The following SRSF11 variants were observed in gnomAD, a reference collection of about 807,000 sequenced individuals.
SRSF11 encodes the protein serine/arginine-rich splicing factor 11.
SRSF11 carries 9 observed loss-of-function variants against 56.0 expected under a neutral mutation model. The ratio of observed to expected loss-of-function variants is 0.16; its 90% confidence interval spans 0.10 to 0.28. The LOEUF is 0.28. Ranked by LOEUF, SRSF11 falls within the 10% of genes least tolerant of loss-of-function variation. The pLI, the probability that SRSF11 is intolerant of heterozygous loss-of-function variation, is 1.00. For missense variants in SRSF11, 421 were observed against 600.7 expected, an observed-to-expected ratio of 0.70 and a Z score of 3.13; for synonymous variants, 222 against 215.3, an observed-to-expected ratio of 1.03 and a Z score of -0.27.
intron 1 of SRSF11, 50 bp downstream of exon 1, chr1:70,221,889 G>A (rs1172028898): frequency 1.2e-6 from 2 of 1,605,816 alleles, no homozygotes; most frequent in Admixed American, 1.7e-5. Flanking sequence ...CTCAGCCTGG[G>A]CCTAACACAC....
chr1:70,234,612 G>C (rs537175733), intron 3 of SRSF11, 84 bp from the exon 4 acceptor site: 3 of 1,097,936 alleles, frequency 2.7e-6, no homozygotes, highest in Non-Finnish European at 3.9e-6. Context: ...GTTGTTATCT[G>C]ACCCTTTACA....
chr1:70,246,089 A>G (rs1421541788), intron 8 of SRSF11, among the ~76,000 whole-genome samples: 1 of 152,172 alleles, frequency 6.6e-6, no homozygotes, highest in Non-Finnish European at 1.5e-5. Flanking sequence ...TTAGAACAGT[A>G]AGAGAGGGAT....
upstream of SRSF11, among the ~76,000 whole-genome samples, chr1:70,216,652 C>CA (rs1424569437): frequency 1.3e-5 from 2 of 152,026 alleles, no homozygotes; most frequent in African/African-American, 4.8e-5. Flanking sequence ...AGGCTGGTCT[C>CA]AAACAACTGG....
chr1:70,220,495 C>A (rs1262184037), upstream of SRSF11, among the ~76,000 whole-genome samples: 1 of 152,146 alleles, frequency 6.6e-6, no homozygotes, highest in Non-Finnish European at 1.5e-5. Flanking sequence ...GCAGTATTTT[C>A]TTTAGAAATA....
chr1:70,212,022 A>G (rs1259206103), intron 1 of SRSF11, among the ~76,000 whole-genome samples: 1 of 152,130 alleles, frequency 6.6e-6, no homozygotes, highest in Non-Finnish European at 1.5e-5. Context: ...GCCTGAGCTA[A>G]TTGTGGCTTG....
At chr1:70,246,981 A>G in intron 9 of SRSF11, 74 bp downstream of exon 9, 1 of 1,295,782 alleles carries the variant, frequency 7.7e-7, no homozygotes, top group Non-Finnish European at 1.1e-6. Flanking sequence ...CGCTGTCAGT[A>G]TGAAGTCTTT....
intron 1 of SRSF11, 27 bp from the exon 2 acceptor site, chr1:70,228,395 C>G (rs1672273605): frequency 1.3e-6 from 2 of 1,562,472 alleles, no homozygotes; most frequent in Non-Finnish European, 1.8e-6. Context: ...TTCTGTTTCT[C>G]TTTTATGTTA....
intron 7 of SRSF11, among the ~76,000 whole-genome samples, chr1:70,242,150 A>AGC (rs1333329115): frequency 1.3e-5 from 2 of 148,418 alleles, no homozygotes; most frequent in Non-Finnish European, 3.0e-5. Flanking sequence ...GCTTGGTGAC[A>AGC]GCGAGACTCC....
intron 7 of SRSF11, among the ~76,000 whole-genome samples, chr1:70,240,624 C>T (rs1291980421): frequency 6.6e-6 from 1 of 152,196 alleles, no homozygotes; most frequent in Non-Finnish European, 1.5e-5. Flanking sequence ...TCTTAATTTC[C>T]AAACTCAATC....
intron 1 of SRSF11, among the ~76,000 whole-genome samples, chr1:70,226,265 T>C (rs933129323): frequency 6.6e-6 from 1 of 152,132 alleles, no homozygotes. Context: ...AAAACTTGTT[T>C]TAAACCCATC....
chr1:70,224,386 A>G (rs989872115), intron 1 of SRSF11, among the ~76,000 whole-genome samples: 2 of 152,160 alleles, frequency 1.3e-5, no homozygotes, highest in African/African-American at 2.4e-5. Flanking sequence ...AGACCACCCT[A>G]TGTAAAATAA....
At chr1:70,249,741 G>A (rs913924904) in intron 9 of SRSF11, 4 of 469,176 alleles carry the variant, frequency 8.5e-6, no homozygotes, top group Admixed American at 3.5e-5. Context: ...TGTATTTTTT[G>A]TAGAGACAGA....
chr1:70,249,883 C>T lies in SRSF11; in HGVS notation c.1023-69C>T, dbSNP rs187701087. ...CCACATCTTTCATTGTTAGAATCATCTATGATGTGTCTGCATTTTTAAGAT... is the reference window on the plus strand; with the variant it reads ...CCACATCTTTCATTGTTAGAATCATTTATGATGTGTCTGCATTTTTAAGAT... On this transcript the variant is annotated intron_variant, in intron 9 of 11. Coordinates refer to ENST00000370949, the MANE Select transcript of SRSF11 (RefSeq NM_001350605.2). 19 of 1,488,176 alleles carry T rather than the reference C, an allele frequency of 1.3e-5. No individual in the cohort carries two copies. In the Admixed American group the frequency reaches 2.2e-4, roughly 17 times the overall value. 92.2% of individuals were successfully genotyped at this position (1,488,176 alleles called of 1,614,324 possible). A position where few individuals can be genotyped will look rare whatever the true frequency, so the allele number is the denominator to read the frequency against.
intron 7 of SRSF11, 56 bp downstream of exon 7, chr1:70,239,576 C>T (rs2100864873): frequency 5.4e-6 from 7 of 1,296,836 alleles, no homozygotes; most frequent in Non-Finnish European, 7.5e-6. Context: ...ATATATGTCA[C>T]ATCTTTTTTA....
At chr1:70,226,685 A>G (rs1464250071) in intron 1 of SRSF11, among the ~76,000 whole-genome samples, 1 of 152,200 alleles carries the variant, frequency 6.6e-6, no homozygotes, top group Non-Finnish European at 1.5e-5. Context: ...TTTGTAATTT[A>G]TTGATGGAAA....
At chr1:70,228,658 C>T in intron 2 of SRSF11, 103 bp downstream of exon 2, 1 of 1,396,770 alleles carries the variant, frequency 7.2e-7, no homozygotes. Flanking sequence ...AAGCTATTAA[C>T]ATTTTTAAAC....
intron 8 of SRSF11, among the ~76,000 whole-genome samples, chr1:70,245,771 G>A (rs1367443832): frequency 3.3e-5 from 5 of 152,172 alleles, no homozygotes; most frequent in Admixed American, 1.3e-4. Context: ...TAATGAGACC[G>A]ATCGTGGAAG....
chr1:70,242,208 A>G (rs1161465125), intron 7 of SRSF11, among the ~76,000 whole-genome samples: 2 of 151,438 alleles, frequency 1.3e-5, no homozygotes, highest in East Asian at 3.9e-4. Flanking sequence ...TTTTCTTTAT[A>G]TTAAATCTTA....
At chr1:70,237,359 T>A in intron 5 of SRSF11, 66 bp from the exon 6 acceptor site, 1 of 1,585,746 alleles carries the variant, frequency 6.3e-7, no homozygotes, top group Non-Finnish European at 8.6e-7. Flanking sequence ...TATACTTAAG[T>A]ATTTATTTGA....
Sources: gnomAD v4.1 joint callset for allele counts (sites outside exome capture counted in the v4.1 genomes callset) on GRCh38, gnomAD v4.1.1 for gene constraint, MANE v1.5 for transcripts, NCBI Gene and HGNC (gene_info 2026-07-23, HGNC 2026-07-21) for gene names.